Variants in WNK3 observed in about 807,000 individuals in gnomAD.
WNK3 encodes the protein serine/threonine-protein kinase WNK3.
Under a neutral mutation model 116.7 loss-of-function variants are expected in WNK3, and 18 were observed. The ratio of observed to expected loss-of-function variants is 0.15; its 90% confidence interval spans 0.11 to 0.23. The LOEUF (loss-of-function observed/expected upper bound fraction) is 0.23, where lower values mean the gene tolerates loss of function less well. WNK3 is among the 10% of genes least tolerant of loss of function. The pLI is 1.00. For synonymous variants in WNK3, 404 were observed against 469.4 expected (o/e 0.86, Z 1.80); for missense variants, 993 against 1,323.8 (o/e 0.75, Z 3.88).
chrX:54,268,539 C>T (rs1557158435), intron 10 of WNK3, among the ~76,000 whole-genome samples: 1 of 110,555 alleles, frequency 9.0e-6, no homozygotes, highest in African/African-American at 3.3e-5. Flanking sequence ...TTAAAGGAAT[C>T]AGAACTCCAT....
chrX:54,302,336 C>T lies in WNK3; in HGVS notation c.1090-477G>A, dbSNP rs1438553251. Among the ~76,000 whole-genome samples, 17 of 111,345 alleles carry T rather than the reference C, an allele frequency of 1.5e-4. No individual in the cohort carries two copies. In the Admixed American group the frequency reaches 1.6e-3, roughly 11 times the overall value. On this transcript the variant is annotated intron_variant, in intron 5 of 23. Transcript: ENST00000354646. ...ATTTTGAGATGGAGTCTCGCTCTGTCGCCCAGGCTGGAGTGCAGTGGCGTG... is the reference window on the plus strand; with the variant it reads ...ATTTTGAGATGGAGTCTCGCTCTGTTGCCCAGGCTGGAGTGCAGTGGCGTG...
chrX:54,248,838 A>T, exon 17 of WNK3: 1 of 1,211,712 alleles, frequency 8.3e-7, no homozygotes, highest in Non-Finnish European at 1.1e-6. Context: ...GTACAGGGCT[A>T]TCTTTAATTC....
chrX:54,229,583 G>A (rs1362413919), intron 21 of WNK3, among the ~76,000 whole-genome samples: 1 of 110,412 alleles, frequency 9.1e-6, no homozygotes, highest in Non-Finnish European at 1.9e-5. Flanking sequence ...AAAGTTTCAG[G>A]AAACATAATA....
chrX:54,332,722 A>C lies in WNK3; in HGVS notation c.537+415T>G, dbSNP rs921091133. 7.3e-5 allele frequency among the ~76,000 whole-genome samples: 8 copies of C among 109,972 alleles called. No individual in the cohort carries two copies. The East Asian group carries it at 2.3e-3, about 32-fold the overall frequency. ...CTCAACATGGTGAAACCCTGTCTCTACTAAAAAACCAAAAAATTAGCGGGG... is the reference window on the plus strand; with the variant it reads ...CTCAACATGGTGAAACCCTGTCTCTCCTAAAAAACCAAAAAATTAGCGGGG... On this transcript the variant is annotated intron_variant, in intron 2 of 23. Coordinates refer to ENST00000354646, the Ensembl canonical transcript of WNK3.
At chrX:54,342,197 G>A (rs899590058) in intron 1 of WNK3, among the ~76,000 whole-genome samples, 1 of 111,835 alleles carries the variant, frequency 8.9e-6, no homozygotes, top group Admixed American at 9.6e-5. Context: ...GATCCCAGGA[G>A]GCTAGAGTGA....
At chrX:54,208,138 T>C (rs1458577963) in intron 22 of WNK3, among the ~76,000 whole-genome samples, 4 of 110,337 alleles carry the variant, frequency 3.6e-5, no homozygotes, top group Non-Finnish European at 7.6e-5. Context: ...TATATATGTT[T>C]TTTTGAGATG....
At chrX:54,317,548 C>T (rs1030277788) in intron 2 of WNK3, among the ~76,000 whole-genome samples, 1 of 111,160 alleles carries the variant, frequency 9.0e-6, no homozygotes, top group Non-Finnish European at 1.9e-5. Flanking sequence ...TATGAGGTAC[C>T]TACAATAGGC....
chrX:54,322,285 C>T (rs1321938550), intron 2 of WNK3, among the ~76,000 whole-genome samples: 1 of 111,797 alleles, frequency 8.9e-6, no homozygotes, highest in Non-Finnish European at 1.9e-5. Flanking sequence ...GAACATTTTA[C>T]CTAACAACTA....
chrX:54,327,283 G>A (rs2069116861), intron 2 of WNK3, among the ~76,000 whole-genome samples: 1 of 111,443 alleles, frequency 9.0e-6, no homozygotes, highest in Non-Finnish European at 1.9e-5. Flanking sequence ...CTTTGTTGGT[G>A]ATAAAAAAGA....
chrX:54,292,783 C>T, intron 10 of WNK3, 105 bp downstream of exon 10: 1 of 757,563 alleles, frequency 1.3e-6, no homozygotes, highest in Non-Finnish European at 1.8e-6. Context: ...GGTGACCTTT[C>T]TCTAAACTAT....
chrX:54,332,889 A>C (rs1223401229), intron 2 of WNK3, among the ~76,000 whole-genome samples: 2 of 110,521 alleles, frequency 1.8e-5, no homozygotes, highest in Non-Finnish European at 3.8e-5. Flanking sequence ...AGAAAAAAGA[A>C]AAAGAAAAAC....
chrX:54,255,817 G>C (rs782263059), exon 12 of WNK3: 1 of 1,209,570 alleles, frequency 8.3e-7, no homozygotes, highest in South Asian at 1.8e-5. Context: ...ATCCGATCCT[G>C]TTTGCCATTT....
intron 23 of WNK3, among the ~76,000 whole-genome samples, chrX:54,201,182 A>G (rs782504232): frequency 8.9e-6 from 1 of 111,978 alleles, no homozygotes; most frequent in Non-Finnish European, 1.9e-5. Context: ...ACAAAGTAGA[A>G]TAAGGCCCAA....
intron 11 of WNK3, among the ~76,000 whole-genome samples, chrX:54,257,091 T>A (rs1415530614): frequency 3.6e-5 from 4 of 111,354 alleles, no homozygotes; most frequent in African/African-American, 1.3e-4. Flanking sequence ...TTGAGTAACA[T>A]CATAGCAGCT....
exon 8 of WNK3, chrX:54,294,752 C>T: frequency 8.3e-7 from 1 of 1,210,939 alleles, no homozygotes; most frequent in Non-Finnish European, 1.1e-6. Context: ...AGCCAGCAGG[C>T]TTCTTCTCTC....
Position 54,322,231 on chromosome X carries a change from G to C in WNK3, c.537+10906C>G, listed in dbSNP as rs782691266. The stretch of plus-strand genomic sequence containing the variant: ...CTCTATAAGCACCAAGCCAGCTTCT[G>C]ATTATAATTTAGCTCCCCATGTAAC... On this transcript the variant is annotated intron_variant, in intron 2 of 23. Transcript: ENST00000354646. 2.0e-4 allele frequency among the ~76,000 whole-genome samples: 22 copies of C among 111,545 alleles called. No homozygotes were observed. In the South Asian group the frequency reaches 7.5e-3, roughly 38 times the overall value.
chrX:54,243,604 A>G (rs2068046919), intron 17 of WNK3, among the ~76,000 whole-genome samples: 2 of 111,213 alleles, frequency 1.8e-5, no homozygotes, highest in South Asian at 7.6e-4. Context: ...CAAGACCACA[A>G]TAAGATACCA....
chrX:54,342,427 G>T (rs782549995), intron 1 of WNK3, among the ~76,000 whole-genome samples: 40 of 108,107 alleles, frequency 3.7e-4, no homozygotes, highest in Non-Finnish European at 5.6e-4. Flanking sequence ...TTAGCTGGGC[G>T]TGGTGGCGGG....
chrX:54,266,535 AAT>A (rs1452755405), intron 10 of WNK3, among the ~76,000 whole-genome samples: 1 of 110,356 alleles, frequency 9.1e-6, no homozygotes, highest in African/African-American at 3.3e-5. Flanking sequence ...CCTGTATCAA[AAT>A]ATCTCTTTTT....
Sources: allele counts gnomAD v4.1 joint callset (sites outside exome capture counted in the v4.1 genomes callset), GRCh38; gene constraint gnomAD v4.1.1; transcripts MANE v1.5; gene names NCBI Gene and HGNC (gene_info 2026-07-23, HGNC 2026-07-21).